Variants in MALL observed in about 807,000 individuals in gnomAD.
MALL encodes the protein mal, T cell differentiation protein like, also known as MAL-like protein.
A neutral mutation model predicts 10.3 loss-of-function variants in MALL; 2 were observed. The ratio of observed to expected loss-of-function variants is 0.19; its 90% CI spans 0.08 to 0.61. The LOEUF (loss-of-function observed/expected upper bound fraction) is 0.61. Ranked by LOEUF, MALL falls within the 20% of genes least tolerant of loss-of-function variation. The probability of loss-of-function intolerance (pLI) is 0.88; values close to 1 mark genes in which losing one functional copy is unlikely to be tolerated. For synonymous variants in MALL, 27 were observed against 51.8 expected, an observed-to-expected ratio of 0.52 and a Z score of 2.05; for missense variants, 39 against 115.2, an observed-to-expected ratio of 0.34 and a Z score of 3.03.
At chr2:110,114,360 C>T (rs986542901) in intron 1 of MALL, among the ~76,000 whole-genome samples, 1 of 152,006 alleles carries the variant, frequency 6.6e-6, no homozygotes, top group Non-Finnish European at 1.5e-5. Context: ...GAGGCAGTGC[C>T]CTGTCACCAG....
At chr2:110,115,952 C>T (rs1197268111), upstream of MALL, 4 of 397,698 alleles carry the variant, frequency 1.0e-5, no homozygotes, top group African/African-American at 2.1e-5. Flanking sequence ...GCCAGCAGAT[C>T]CTCAGTGGGC....
chr2:110,097,379 A>G (rs1313632350), intron 1 of MALL: 1 of 442,254 alleles, frequency 2.3e-6, no homozygotes, highest in African/African-American at 2.0e-5. Flanking sequence ...AACTAACCCC[A>G]AACAAATAAT....
At position 110,115,739 on chromosome 2, in the gene MALL, C is replaced by G. The variant is rs947338023; in HGVS notation, c.54G>C (p.Ser18=). 7 of 1,292,454 alleles carry G rather than the reference C, an allele frequency of 5.4e-6. No individual in the cohort carries two copies. Among genetic ancestry groups the G allele is most frequent in the Non-Finnish European group, 5.9e-6 (6 of 1,012,700 alleles). The allele number at this position is 1,292,454 out of a possible 1,614,324, so 80.1% of individuals were successfully genotyped here. The change falls in exon 1 of 4, where the codon TCG becomes TCC. Residue 18 remains serine, a synonymous_variant. Coordinates refer to ENST00000272462, the MANE Select transcript of MALL (RefSeq NM_005434.5). ...ATSYAPSDVP[S]GVALFLTIPF... ...GGATGGTGAGGAACAGCGCGACCCC[C>G]GAGGGCACGTCGGACGGGGCGTAGC...
chr2:110,099,021 C>G (rs1345923135), intron 1 of MALL, among the ~76,000 whole-genome samples: 2 of 151,890 alleles, frequency 1.3e-5, no homozygotes, highest in Non-Finnish European at 2.9e-5. Context: ...CAAGACAAGG[C>G]CTACCCTAGG....
At chr2:110,110,697 A>G (rs1055406998) in intron 1 of MALL, among the ~76,000 whole-genome samples, 6 of 152,160 alleles carry the variant, frequency 3.9e-5, no homozygotes, top group African/African-American at 1.4e-4. Flanking sequence ...AGAATGAAGG[A>G]ACCCTCCCTA....
intron 1 of MALL, among the ~76,000 whole-genome samples, chr2:110,115,000 A>G (rs931937784): frequency 6.6e-6 from 1 of 152,026 alleles, no homozygotes; most frequent in Non-Finnish European, 1.5e-5. Flanking sequence ...CCCAGGGATC[A>G]GGGCCACGAC....
intron 1 of MALL, among the ~76,000 whole-genome samples, chr2:110,101,547 C>T (rs1678564831): frequency 2.0e-5 from 3 of 152,086 alleles, no homozygotes; most frequent in Admixed American, 6.5e-5. Flanking sequence ...GCAAGTCAGG[C>T]GTCCTTGGTA....
At chr2:110,097,592 G>A in intron 1 of MALL, 2 of 455,830 alleles carry the variant, frequency 4.4e-6, no homozygotes, top group South Asian at 3.1e-5. Context: ...GACGCTGCCT[G>A]AGTAATGATG....
chr2:110,100,478 CT>C (rs1678539701), intron 1 of MALL, among the ~76,000 whole-genome samples: 4 of 149,816 alleles, frequency 2.7e-5, no homozygotes, highest in South Asian at 4.3e-4. Flanking sequence ...GTCCCCCACC[CT>C]AAAAAAAAAA....
intron 1 of MALL, among the ~76,000 whole-genome samples, chr2:110,109,349 G>A (rs1420317690): frequency 2.0e-5 from 3 of 152,100 alleles, no homozygotes; most frequent in Admixed American, 6.5e-5. Flanking sequence ...AAGTAAAAGG[G>A]TGGAAAAAGG....
intron 1 of MALL, 147 bp downstream of exon 1, chr2:110,115,541 C>CT (rs1553478751): frequency 2.5e-6 from 1 of 402,628 alleles, no homozygotes; most frequent in African/African-American, 2.4e-5. Context: ...GGTCTCCCCC[C>CT]CCCTCTCTGC....
chr2:110,100,395 C>T (rs554282139), intron 1 of MALL, among the ~76,000 whole-genome samples: 4 of 152,010 alleles, frequency 2.6e-5, no homozygotes, highest in Non-Finnish European at 1.5e-5. Flanking sequence ...ATCCTTTGGG[C>T]TCGGGAGTTC....
At chr2:110,099,092 G>A (rs1678507437) in intron 1 of MALL, among the ~76,000 whole-genome samples, 1 of 152,124 alleles carries the variant, frequency 6.6e-6, no homozygotes, top group South Asian at 2.1e-4. Context: ...TCACAGCTCT[G>A]TCAAACAGTT....
At chr2:110,108,777 A>G (rs1678745727) in intron 1 of MALL, among the ~76,000 whole-genome samples, 1 of 152,228 alleles carries the variant, frequency 6.6e-6, no homozygotes, top group Non-Finnish European at 1.5e-5. Flanking sequence ...AAGGCTCTTA[A>G]GAGCTGTGAG....
At chr2:110,117,587 ATG>A (rs3840469), upstream of MALL, among the ~76,000 whole-genome samples, 6,877 of 105,212 alleles carry the variant, frequency 0.065, 244 homozygotes, top group Non-Finnish European at 0.084. Context: ...GACCAAAGCA[ATG>A]TGTGTGTGTG....
chr2:110,103,806 A>G (rs1319343963), intron 1 of MALL, among the ~76,000 whole-genome samples: 1 of 152,154 alleles, frequency 6.6e-6, no homozygotes, highest in Non-Finnish European at 1.5e-5. Flanking sequence ...ACGGCTGCTC[A>G]TGGTCCTGCT....
chr2:110,095,936 C>G (rs541202012), intron 1 of MALL, among the ~76,000 whole-genome samples: 1 of 152,288 alleles, frequency 6.6e-6, no homozygotes, highest in South Asian at 2.1e-4. Flanking sequence ...AATGCATCAA[C>G]TAAGGTAAAA....
At chr2:110,109,389 G>C (rs1255597060) in intron 1 of MALL, among the ~76,000 whole-genome samples, 2 of 152,112 alleles carry the variant, frequency 1.3e-5, no homozygotes, top group Admixed American at 1.3e-4. Flanking sequence ...CCAAAAGCAA[G>C]CAGGGGTAGC....
chr2:110,099,815 T>G (rs1204789439), intron 1 of MALL, among the ~76,000 whole-genome samples: 1 of 151,858 alleles, frequency 6.6e-6, no homozygotes, highest in African/African-American at 2.4e-5. Flanking sequence ...AGCTATGAAA[T>G]GGAGGAGGAG....
Sources: gnomAD v4.1 joint callset for allele counts (sites outside exome capture counted in the v4.1 genomes callset) on GRCh38, gnomAD v4.1.1 for gene constraint, MANE v1.5 for transcripts, NCBI Gene and HGNC (gene_info 2026-07-23, HGNC 2026-07-21) for gene names.